CDH13: variants seen among roughly 807,000 people sequenced by gnomAD.
The protein encoded by CDH13 is cadherin-13.
A neutral mutation model predicts 63.8 loss-of-function variants in CDH13; 24 were observed. The ratio of observed to expected loss-of-function variants is 0.38; its 90% CI spans 0.27 to 0.53. CDH13 has a LOEUF of 0.53. CDH13 is among the 20% of genes least tolerant of loss of function. The pLI is 0.85. For synonymous variants in CDH13, 503 were observed against 355.3 expected (o/e 1.42, Z -4.67); for missense variants, 1,049 against 903.1 (o/e 1.16, Z -2.07).
chr16:83,413,082 G>A lies in CDH13; in HGVS notation c.781+68076G>A, dbSNP rs190447167. On this transcript the variant is annotated intron_variant, in intron 6 of 13. Transcript: ENST00000567109. ...GGCTGTTTTTACTTAATACATCATA[G>A]CATCAAACAGTGGTAATGCCATTTC... is the stretch of plus-strand genomic sequence containing the variant. Among the ~76,000 whole-genome samples the A allele has an allele frequency of 4.1e-4, 63 of 152,264 alleles. 1 individual carries two copies. In the East Asian group the frequency reaches 0.01, roughly 24 times the overall value.
At chr16:82,890,439 C>T (rs1011884272) in intron 2 of CDH13, among the ~76,000 whole-genome samples, 1 of 152,146 alleles carries the variant, frequency 6.6e-6, no homozygotes, top group African/African-American at 2.4e-5. Context: ...AAAACGATTC[C>T]TTTGCTAGAG....
intron 4 of CDH13, among the ~76,000 whole-genome samples, chr16:83,183,347 C>T (rs2038408387): frequency 6.6e-6 from 1 of 152,146 alleles, no homozygotes. Flanking sequence ...TTTCAAAATG[C>T]AGAAAATATT....
chr16:83,299,925 T>G (rs945708184), intron 5 of CDH13, among the ~76,000 whole-genome samples: 3 of 152,130 alleles, frequency 2.0e-5, no homozygotes, highest in African/African-American at 7.2e-5. Flanking sequence ...GCTACAATCA[T>G]CCCAAATTCA....
intron 2 of CDH13, among the ~76,000 whole-genome samples, chr16:82,941,475 C>T (rs1216642658): frequency 1.3e-5 from 2 of 152,204 alleles, no homozygotes; most frequent in Non-Finnish European, 2.9e-5. Context: ...TTTGCTTCAT[C>T]ATCTTTACAT....
At chr16:83,783,496 A>T in intron 13 of CDH13, 24 bp downstream of exon 13, 2 of 1,573,934 alleles carry the variant, frequency 1.3e-6, no homozygotes, top group Non-Finnish European at 1.7e-6. Context: ...ACTCCAGTGC[A>T]TGCACAAACA....
At chr16:82,875,474 C>G (rs2040473318) in intron 2 of CDH13, among the ~76,000 whole-genome samples, 2 of 152,146 alleles carry the variant, frequency 1.3e-5, no homozygotes, top group South Asian at 4.2e-4. Context: ...AGGACAGAAA[C>G]TAGAGAAGTT....
At chr16:83,661,380 T>C (rs1913427776) in intron 8 of CDH13, among the ~76,000 whole-genome samples, 1 of 151,636 alleles carries the variant, frequency 6.6e-6, no homozygotes, top group Non-Finnish European at 1.5e-5. Context: ...CTACTAGGGA[T>C]GCTGAGGCAC....
chr16:82,872,692 A>T (rs974566519), intron 2 of CDH13, among the ~76,000 whole-genome samples: 1 of 152,196 alleles, frequency 6.6e-6, no homozygotes, highest in African/African-American at 2.4e-5. Context: ...AGAGGTACAA[A>T]TGCTTGCCAG....
chr16:83,713,221 C>G (rs537776158), intron 10 of CDH13, among the ~76,000 whole-genome samples: 1 of 152,216 alleles, frequency 6.6e-6, no homozygotes. Context: ...CTCCGTCTAA[C>G]GGGCTGGGGT....
chr16:83,473,885 A>T (rs1233866882), intron 6 of CDH13, among the ~76,000 whole-genome samples: 1 of 144,036 alleles, frequency 6.9e-6, no homozygotes, highest in Non-Finnish European at 1.6e-5. Context: ...AAATGGGCTA[A>T]TGACACCTGC....
chr16:82,790,200 GC>G (rs1386759450), intron 1 of CDH13, among the ~76,000 whole-genome samples: 4 of 152,194 alleles, frequency 2.6e-5, no homozygotes, highest in Non-Finnish European at 5.9e-5. Flanking sequence ...CCTTTGGGAG[GC>G]CGAGGCAGGC....
At chr16:83,290,443 T>C (rs1331642377) in intron 5 of CDH13, among the ~76,000 whole-genome samples, 1 of 152,208 alleles carries the variant, frequency 6.6e-6, no homozygotes, top group South Asian at 2.1e-4. Flanking sequence ...GATCTGATGG[T>C]TTTATAAGGG....
intron 8 of CDH13, among the ~76,000 whole-genome samples, chr16:83,608,855 A>G (rs1908600914): frequency 6.6e-6 from 1 of 152,080 alleles, no homozygotes; most frequent in Non-Finnish European, 1.5e-5. Context: ...ACTGCCTAAT[A>G]CAACCTCTAA....
chr16:82,688,002 G>A (rs1340127276), intron 1 of CDH13, among the ~76,000 whole-genome samples: 5 of 152,220 alleles, frequency 3.3e-5, no homozygotes, highest in Admixed American at 6.5e-5. Flanking sequence ...GGCAGTGACA[G>A]ATGTAGGCCC....
At chr16:83,297,664 A>G (rs2089634593) in intron 5 of CDH13, among the ~76,000 whole-genome samples, 1 of 152,202 alleles carries the variant, frequency 6.6e-6, no homozygotes, top group African/African-American at 2.4e-5. Flanking sequence ...ACTGACAAAG[A>G]CATAACTTCA....
At chr16:83,208,049 G>A (rs1235911014) in intron 4 of CDH13, among the ~76,000 whole-genome samples, 9 of 152,166 alleles carry the variant, frequency 5.9e-5, no homozygotes, top group Admixed American at 2.0e-4. Flanking sequence ...TAACCTTAGC[G>A]CCTTCCCTGG....
intron 6 of CDH13, among the ~76,000 whole-genome samples, chr16:83,381,067 T>G (rs2091557763): frequency 6.6e-6 from 1 of 152,212 alleles, no homozygotes. Context: ...TAATAAATTC[T>G]GCAATTATTG....
intron 3 of CDH13, among the ~76,000 whole-genome samples, chr16:83,075,898 A>G (rs1352327287): frequency 1.3e-5 from 2 of 152,214 alleles, no homozygotes; most frequent in South Asian, 4.1e-4. Context: ...ATTGCTGCAA[A>G]AATCCTCTAA....
intron 1 of CDH13, among the ~76,000 whole-genome samples, chr16:82,650,912 A>AG (rs2150907000): frequency 6.6e-6 from 1 of 152,358 alleles, no homozygotes; most frequent in East Asian, 1.9e-4. Context: ...AACAATAAAC[A>AG]GGAGAGACAG....
Sources: allele counts gnomAD v4.1 joint callset (sites outside exome capture counted in the v4.1 genomes callset), GRCh38; gene constraint gnomAD v4.1.1; transcripts MANE v1.5; gene names NCBI Gene and HGNC (gene_info 2026-07-23, HGNC 2026-07-21).